Variants in KCNJ6 observed in about 807,000 individuals in gnomAD.
KCNJ6 encodes G protein-activated inward rectifier potassium channel 2.
Under a neutral mutation model 34.2 loss-of-function variants are expected in KCNJ6, and 9 were observed. The observed-to-expected ratio is 0.26, with a 90% confidence interval of 0.16 to 0.46. KCNJ6 has a LOEUF of 0.46. KCNJ6 is among the 20% of genes least tolerant of loss of function. The pLI, the probability that KCNJ6 is intolerant of heterozygous loss-of-function variation, is 1.00. For synonymous variants in KCNJ6, 196 were observed against 207.1 expected, an observed-to-expected ratio of 0.95 and a Z score of 0.46; for missense variants, 236 against 531.3, an observed-to-expected ratio of 0.44 and a Z score of 5.46.
rs1209060347 is a variant in KCNJ6 at position 37,716,361 on chromosome 21, T to C, written c.26-1230A>G. 3.3e-5 allele frequency among the ~76,000 whole-genome samples: 5 copies of C among 151,082 alleles called. No individual in the cohort carries two copies. The Admixed American group carries it at 3.3e-4, about 10-fold the overall frequency. ...AATTTTAGCTTGTGGTTATTTTTTTTCTTTTAAAAAAGTTTAAATTTTTTT... is the reference window on the plus strand; with the variant it reads ...AATTTTAGCTTGTGGTTATTTTTTTCCTTTTAAAAAAGTTTAAATTTTTTT... On this transcript the variant is annotated intron_variant, in intron 2 of 3. Transcript: ENST00000609713.
intron 2 of KCNJ6, among the ~76,000 whole-genome samples, chr21:37,743,192 T>G (rs2054949707): frequency 6.6e-6 from 1 of 152,208 alleles, no homozygotes; most frequent in Non-Finnish European, 1.5e-5. Context: ...GCAACTATGC[T>G]TTACTCATTT....
chr21:37,625,527 G>A (rs1271365185), intron 3 of KCNJ6, 43 bp from the exon 4 acceptor site: 1 of 1,456,468 alleles, frequency 6.9e-7, no homozygotes, highest in Non-Finnish European at 9.5e-7. Context: ...GTAAGTGTGG[G>A]CTTTCCATGG....
intron 1 of KCNJ6, among the ~76,000 whole-genome samples, chr21:37,897,383 G>A (rs921169367): frequency 2.0e-5 from 3 of 152,174 alleles, no homozygotes; most frequent in Non-Finnish European, 2.9e-5. Context: ...TACAGCAATG[G>A]CAATGAGCAG....
At chr21:37,783,814 T>A (rs1209215347) in intron 2 of KCNJ6, among the ~76,000 whole-genome samples, 2 of 152,160 alleles carry the variant, frequency 1.3e-5, no homozygotes, top group African/African-American at 2.4e-5. Context: ...GGTCCTGAGC[T>A]TTTAGGATTA....
At chr21:37,654,800 C>T (rs1200642475) in intron 3 of KCNJ6, among the ~76,000 whole-genome samples, 1 of 152,194 alleles carries the variant, frequency 6.6e-6, no homozygotes, top group African/African-American at 2.4e-5. Flanking sequence ...TCTGCATCTT[C>T]ATCCTGTCTG....
intron 2 of KCNJ6, among the ~76,000 whole-genome samples, chr21:37,827,158 G>A (rs2055403096): frequency 1.3e-5 from 2 of 152,280 alleles, no homozygotes; most frequent in Middle Eastern, 3.4e-3. Flanking sequence ...TATTTGGTTT[G>A]GGTTTGACTT....
chr21:37,791,228 C>T (rs74605877), intron 2 of KCNJ6, among the ~76,000 whole-genome samples: 1,632 of 152,264 alleles, frequency 0.011, 31 homozygotes, highest in African/African-American at 0.038. Context: ...ATTAACCTTA[C>T]ATTTGGGGGC....
chr21:37,666,881 T>C (rs536648862), intron 3 of KCNJ6, among the ~76,000 whole-genome samples: 11 of 151,710 alleles, frequency 7.3e-5, no homozygotes, highest in East Asian at 1.9e-4. Context: ...AAACATGTGC[T>C]GTGTCAACTC....
At chr21:37,780,255 A>G (rs578088460) in intron 2 of KCNJ6, among the ~76,000 whole-genome samples, 1 of 152,354 alleles carries the variant, frequency 6.6e-6, no homozygotes, top group Non-Finnish European at 1.5e-5. Flanking sequence ...GACATTCTGC[A>G]AAAGGCAAAA....
At chr21:37,871,217 T>TG (rs1249267491) in intron 1 of KCNJ6, among the ~76,000 whole-genome samples, 2 of 152,050 alleles carry the variant, frequency 1.3e-5, no homozygotes, top group South Asian at 2.1e-4. Flanking sequence ...TCCTGTACCG[T>TG]GGGGGGAGCC....
intron 3 of KCNJ6, among the ~76,000 whole-genome samples, chr21:37,635,202 T>C (rs939830630): frequency 2.0e-5 from 3 of 152,094 alleles, no homozygotes; most frequent in Admixed American, 1.3e-4. Flanking sequence ...AAGTATTTTA[T>C]ATAATATTAC....
chr21:37,880,931 T>C (rs539256804), intron 1 of KCNJ6, among the ~76,000 whole-genome samples: 1 of 152,048 alleles, frequency 6.6e-6, no homozygotes, highest in Non-Finnish European at 1.5e-5. Flanking sequence ...AGCCCATGGA[T>C]AGAGATGGCT....
chr21:37,817,237 C>G (rs1391870683), intron 2 of KCNJ6, among the ~76,000 whole-genome samples: 1 of 152,176 alleles, frequency 6.6e-6, no homozygotes, highest in Non-Finnish European at 1.5e-5. Context: ...GGTTTGCAGC[C>G]AGGTGGCCTG....
At chr21:37,701,166 G>A (rs2054689026) in intron 3 of KCNJ6, among the ~76,000 whole-genome samples, 1 of 152,184 alleles carries the variant, frequency 6.6e-6, no homozygotes, top group Admixed American at 6.5e-5. Context: ...CCTCTATACT[G>A]ACGGAGGTGG....
chr21:37,655,251 G>A (rs879634176), intron 3 of KCNJ6, among the ~76,000 whole-genome samples: 19,542 of 134,428 alleles, frequency 0.15, 1,556 homozygotes, highest in East Asian at 0.31. Flanking sequence ...GAGAGAGAGA[G>A]AGAGAGAGAG....
intron 2 of KCNJ6, among the ~76,000 whole-genome samples, chr21:37,808,260 T>C (rs568759725): frequency 6.6e-6 from 1 of 152,244 alleles, no homozygotes; most frequent in African/African-American, 2.4e-5. Flanking sequence ...AATCATAACA[T>C]TGTGCATGAT....
intron 3 of KCNJ6, among the ~76,000 whole-genome samples, chr21:37,694,479 A>G (rs1303184680): frequency 2.6e-5 from 4 of 152,246 alleles, no homozygotes; most frequent in Non-Finnish European, 5.9e-5. Flanking sequence ...TTTGCCTTAC[A>G]TAACTTTAGA....
intron 2 of KCNJ6, among the ~76,000 whole-genome samples, chr21:37,758,023 G>A (rs1055823353): frequency 1.3e-5 from 2 of 152,196 alleles, no homozygotes; most frequent in African/African-American, 4.8e-5. Flanking sequence ...GGTGTCACTG[G>A]GTGGGTTGAG....
At position 37,837,065 on chromosome 21, in the gene KCNJ6, T is replaced by C. The variant is rs546995646; in HGVS notation, c.25+3593A>G. 1.1e-4 allele frequency among the ~76,000 whole-genome samples: 16 copies of C among 152,192 alleles called. No homozygotes were observed. In the Middle Eastern group the frequency reaches 0.017, roughly 162 times the overall value. On this transcript the variant is annotated intron_variant, in intron 2 of 3. Transcript: ENST00000609713. Reference sequence around the variant, plus strand: ...GTCTTGTCTTTGCTCCTTGTAATTCTGTCTCGGTCCTCCTCAATACCCCCT... The same window carrying C: ...GTCTTGTCTTTGCTCCTTGTAATTCCGTCTCGGTCCTCCTCAATACCCCCT...
Sources: allele counts gnomAD v4.1 joint callset (sites outside exome capture counted in the v4.1 genomes callset), GRCh38; gene constraint gnomAD v4.1.1; transcripts MANE v1.5; gene names NCBI Gene and HGNC (gene_info 2026-07-23, HGNC 2026-07-21).